The following LTBP1 variants were observed in gnomAD, a reference collection of about 807,000 sequenced individuals.
LTBP1 encodes the protein latent-transforming growth factor beta-binding protein 1.
Under a neutral mutation model 207.6 loss-of-function variants are expected in LTBP1, and 129 were observed. The ratio of observed to expected loss-of-function variants is 0.62; its 90% CI spans 0.54 to 0.72. The LOEUF (loss-of-function observed/expected upper bound fraction) is 0.72. Ranked by LOEUF, LTBP1 falls within the 30% of genes least tolerant of loss-of-function variation. The pLI is 0.00. For synonymous variants in LTBP1, 963 were observed against 833.7 expected (o/e 1.16, Z -2.67); for missense variants, 2,281 against 2,217.2 (o/e 1.03, Z -0.58).
intron 3 of LTBP1, among the ~76,000 whole-genome samples, chr2:33,076,684 G>A (rs1055958702): frequency 2.6e-5 from 4 of 151,928 alleles, no homozygotes; most frequent in African/African-American, 9.7e-5. Context: ...TTACAGGCCC[G>A]CACCACCACG....
At chr2:33,047,224 C>A (rs1192973180) in intron 3 of LTBP1, among the ~76,000 whole-genome samples, 1 of 152,144 alleles carries the variant, frequency 6.6e-6, no homozygotes. Flanking sequence ...GATTTTAGAT[C>A]TTTCCTGCTT....
At chr2:33,239,835 C>T (rs2092233283) in intron 9 of LTBP1, among the ~76,000 whole-genome samples, 1 of 151,694 alleles carries the variant, frequency 6.6e-6, no homozygotes, top group African/African-American at 2.4e-5. Context: ...ACCTGGGAGG[C>T]GAAGGTTGCA....
intron 32 of LTBP1, among the ~76,000 whole-genome samples, chr2:33,394,938 C>T (rs549638602): frequency 2.0e-5 from 3 of 152,238 alleles, no homozygotes; most frequent in South Asian, 4.1e-4. Context: ...TCTGTTCCTG[C>T]GTTAGTTTGC....
chr2:33,095,906 T>A (rs1054104377), intron 3 of LTBP1, among the ~76,000 whole-genome samples: 9 of 152,104 alleles, frequency 5.9e-5, no homozygotes, highest in African/African-American at 1.4e-4. Context: ...TAATTTAACA[T>A]ATATGTAATT....
In LTBP1 at chr2:33,184,886, G is replaced by A. The variant is rs546743375; in HGVS notation, c.1202-1970G>A. Among the ~76,000 whole-genome samples, 7 of 151,982 alleles carry A rather than the reference G, an allele frequency of 4.6e-5. No homozygotes were observed. In the South Asian group the frequency reaches 1.5e-3, roughly 32 times the overall value. On this transcript the variant is annotated intron_variant, in intron 5 of 33. Transcript: ENST00000404816. ...CCTCACAGAGCTCTGGTTGAGTGAG[G>A]CATACAGAGAAGTAGTCAGTCAGTT...
At chr2:33,362,401 G>A (rs2150056652) in intron 28 of LTBP1, among the ~76,000 whole-genome samples, 1 of 152,242 alleles carries the variant, frequency 6.6e-6, no homozygotes, top group Non-Finnish European at 1.5e-5. Flanking sequence ...TATAATATGT[G>A]TTGAATGGTT....
chr2:33,061,261 G>A (rs540585904), intron 3 of LTBP1: 11 of 152,192 alleles, frequency 7.2e-5, no homozygotes, highest in African/African-American at 2.6e-4. Flanking sequence ...CACATCATGA[G>A]TATATGTTTA....
intron 3 of LTBP1, among the ~76,000 whole-genome samples, chr2:33,088,393 G>A (rs931901863): frequency 4.6e-5 from 7 of 151,956 alleles, no homozygotes; most frequent in East Asian, 1.9e-4. Flanking sequence ...CGGAGGTTGC[G>A]GTGAGCCGAG....
chr2:32,968,518 G>T (rs1331694733), intron 2 of LTBP1, among the ~76,000 whole-genome samples: 1 of 151,874 alleles, frequency 6.6e-6, no homozygotes, highest in Non-Finnish European at 1.5e-5. Flanking sequence ...TCTTTATATT[G>T]AAAGTAGCTT....
chr2:33,213,580 T>A (rs2090467503), intron 7 of LTBP1, among the ~76,000 whole-genome samples: 1 of 152,224 alleles, frequency 6.6e-6, no homozygotes, highest in African/African-American at 2.4e-5. Flanking sequence ...TACCTTCTTT[T>A]CCTGTAGGCA....
At chr2:33,264,021 C>T (rs1181805372) in intron 15 of LTBP1, among the ~76,000 whole-genome samples, 3 of 149,564 alleles carry the variant, frequency 2.0e-5, no homozygotes, top group African/African-American at 4.9e-5. Flanking sequence ...TTCAGGAGGT[C>T]GAGGTGGGCA....
intron 19 of LTBP1, among the ~76,000 whole-genome samples, chr2:33,288,665 C>T (rs2093713689): frequency 6.6e-6 from 1 of 152,040 alleles, no homozygotes; most frequent in Non-Finnish European, 1.5e-5. Flanking sequence ...ACCATCCTGG[C>T]TAACACAGTG....
intron 3 of LTBP1, among the ~76,000 whole-genome samples, chr2:33,091,267 C>T (rs2079074107): frequency 6.6e-6 from 1 of 152,156 alleles, no homozygotes; most frequent in African/African-American, 2.4e-5. Flanking sequence ...CTGGTAGCCT[C>T]TGGTCCTGTG....
chr2:33,022,265 C>CTTTTTTT (rs3047211), intron 3 of LTBP1, among the ~76,000 whole-genome samples: 10 of 125,234 alleles, frequency 8.0e-5, no homozygotes, highest in Non-Finnish European at 1.2e-4. Flanking sequence ...CCTCAATCCT[C>CTTTTTTT]TTTTTTTTTT....
chr2:33,190,589 C>T lies in LTBP1; in HGVS notation c.1701+1738C>T, dbSNP rs143353252. On this transcript the variant is annotated intron_variant, in intron 7 of 33. Transcript: ENST00000404816. ...CACTCGGTAGGAGGGAAGTGGCTTC[C>T]TTATCTGCAAAGTAGAGATAAGATG... is the stretch of plus-strand genomic sequence containing the variant. Among the ~76,000 whole-genome samples, 739 of 152,208 alleles carry T rather than the reference C, an allele frequency of 4.9e-3. 8 individuals carry two copies. The highest frequency in any genetic ancestry group is 9.1e-3 in the Non-Finnish European group (619 of 67,998).
At chr2:33,386,710 A>G (rs1558339564) in intron 31 of LTBP1, among the ~76,000 whole-genome samples, 3 of 152,156 alleles carry the variant, frequency 2.0e-5, no homozygotes, top group African/African-American at 7.2e-5. Context: ...CTGTAGTTCC[A>G]ACTACTCAGG....
At chr2:33,378,121 C>T (rs1209298471) in intron 31 of LTBP1, among the ~76,000 whole-genome samples, 3 of 151,870 alleles carry the variant, frequency 2.0e-5, no homozygotes, top group African/African-American at 7.3e-5. Context: ...TTTCTAGAAT[C>T]GCCCATTCAG....
At chr2:33,089,560 G>A (rs564732286) in intron 3 of LTBP1, among the ~76,000 whole-genome samples, 89 of 152,316 alleles carry the variant, frequency 5.8e-4, no homozygotes, top group Admixed American at 2.6e-4. Flanking sequence ...GGCACTAAGT[G>A]CCAATAGTGT....
At chr2:33,152,168 A>G (rs1468947794) in intron 5 of LTBP1, among the ~76,000 whole-genome samples, 3 of 152,162 alleles carry the variant, frequency 2.0e-5, no homozygotes, top group Non-Finnish European at 4.4e-5. Flanking sequence ...CACTCTATAC[A>G]TCTGACAAAG....
Sources: gnomAD v4.1 joint callset for allele counts (sites outside exome capture counted in the v4.1 genomes callset) on GRCh38, gnomAD v4.1.1 for gene constraint, MANE v1.5 for transcripts, NCBI Gene and HGNC (gene_info 2026-07-23, HGNC 2026-07-21) for gene names.